Variants in FAT3 observed in about 807,000 individuals in gnomAD.
FAT3 encodes FAT atypical cadherin 3, also known as protocadherin Fat 3.
Under a neutral mutation model 310.2 loss-of-function variants are expected in FAT3, and 95 were observed. The observed-to-expected ratio is 0.31, with a 90% CI of 0.26 to 0.36. The LOEUF is 0.36. FAT3 is among the 10% of genes least tolerant of loss of function. The pLI is 1.00. For synonymous variants in FAT3, 2,314 were observed against 2,192.9 expected, an observed-to-expected ratio of 1.06 and a Z score of -1.54; for missense variants, 5,408 against 5,715.6, an observed-to-expected ratio of 0.95 and a Z score of 1.74.
chr11:92,874,586 C>G (rs1466622841), intron 22 of FAT3, among the ~76,000 whole-genome samples: 1 of 152,210 alleles, frequency 6.6e-6, no homozygotes, highest in Non-Finnish European at 1.5e-5. Context: ...GTTGCCTAGG[C>G]TGAAGTGCAA....
chr11:92,701,766 A>C lies in FAT3; in HGVS notation c.3669+4321A>C, dbSNP rs80159448. ...TTAACGTTTTAGTTTTTTGGTTGTG[A>C]CTTTAGCTCTGATTACTTCATTATC... On this transcript the variant is annotated intron_variant, in intron 4 of 27. Coordinates refer to ENST00000525166, the MANE Select transcript of FAT3 (RefSeq NM_001367949.2). Among the ~76,000 whole-genome samples the C allele has an allele frequency of 7.4e-3, 1,134 of 152,322 alleles. 13 individuals carry two copies. The highest frequency in any genetic ancestry group is 0.026 in the African/African-American group (1,077 of 41,570).
intron 1 of FAT3, among the ~76,000 whole-genome samples, chr11:92,328,958 G>C (rs142671645): frequency 6.6e-6 from 1 of 152,078 alleles, no homozygotes; most frequent in Non-Finnish European, 1.5e-5. Flanking sequence ...TTAAAAGACT[G>C]TTTAAATTAC....
chr11:92,489,923 A>G (rs1478708854), intron 2 of FAT3, among the ~76,000 whole-genome samples: 4 of 150,938 alleles, frequency 2.7e-5, no homozygotes, highest in South Asian at 2.1e-4. Flanking sequence ...ATGAGCAGCG[A>G]AAGAGGCAGC....
chr11:92,719,620 A>C (rs1240118717), intron 4 of FAT3, among the ~76,000 whole-genome samples: 2 of 151,174 alleles, frequency 1.3e-5, no homozygotes, highest in Non-Finnish European at 3.0e-5. Flanking sequence ...CAGTCTGTAC[A>C]TACATGTTCA....
At position 92,353,352 on chromosome 11, in the gene FAT3, G is replaced by T. The variant is rs372377950; in HGVS notation, c.1240G>T (p.Gly414Cys). 1.9e-6 allele frequency: 3 copies of T among 1,613,382 alleles called. No individual in the cohort carries two copies. The African/African-American group carries it at 4.0e-5, about 22-fold the overall frequency. ...AGATGTGGAATACAAATTATCTCCT[G>T]GTGAGGATGCAGTGTACTTTAAAAT... ...PIDVEYKLSPGEDAVYFKINP... is the reference protein window; with the variant it reads ...PIDVEYKLSPCEDAVYFKINP... Residue 414 changes from glycine (G) to cysteine (C), a missense_variant, in exon 2 of 28, where the codon GGT becomes TGT. Transcript: ENST00000525166.
rs1307795001 is a variant in FAT3 at position 92,891,129 on chromosome 11, T to C, written c.*16T>C. 1.2e-6 allele frequency: 2 copies of C among 1,608,510 alleles called. No individual in the cohort carries two copies. Among genetic ancestry groups the C allele is most frequent in the African/African-American group, 2.7e-5 (2 of 74,876 alleles). On this transcript the variant is annotated 3_prime_UTR_variant, in exon 28 of 28. Transcript: ENST00000525166. ...TCAAGTGTAGACATCACATCTTGGG[T>C]ACTTCACCCTGTTTGTTACAGAAAA...
chr11:92,312,623 A>G (rs1042236712), intron 1 of FAT3, among the ~76,000 whole-genome samples: 1 of 152,214 alleles, frequency 6.6e-6, no homozygotes, highest in Non-Finnish European at 1.5e-5. Flanking sequence ...TGATATATGG[A>G]GAGAACCCAG....
chr11:92,416,769 C>T (rs1211106611), intron 2 of FAT3, among the ~76,000 whole-genome samples: 1 of 152,084 alleles, frequency 6.6e-6, no homozygotes, highest in African/African-American at 2.4e-5. Context: ...GTAGCAGGTT[C>T]CAGTTAAGAG....
At chr11:92,573,507 C>T (rs1176401887) in intron 3 of FAT3, among the ~76,000 whole-genome samples, 1 of 152,098 alleles carries the variant, frequency 6.6e-6, no homozygotes, top group Admixed American at 6.6e-5. Context: ...AGAATGTAAC[C>T]TTATTTGGAA....
intron 2 of FAT3, among the ~76,000 whole-genome samples, chr11:92,363,724 A>T (rs1455050282): frequency 6.6e-6 from 1 of 152,124 alleles, no homozygotes; most frequent in Non-Finnish European, 1.5e-5. Context: ...TCCCCATGAG[A>T]CCTGAGCAAG....
At chr11:92,340,394 T>C (rs4385852) in intron 1 of FAT3, among the ~76,000 whole-genome samples, 1 of 152,106 alleles carries the variant, frequency 6.6e-6, no homozygotes, top group Non-Finnish European at 1.5e-5. Context: ...CCTTAGTTGT[T>C]CTCTCATTCA....
At chr11:92,334,622 G>A (rs972510871) in intron 1 of FAT3, among the ~76,000 whole-genome samples, 9 of 151,300 alleles carry the variant, frequency 5.9e-5, no homozygotes, top group African/African-American at 2.2e-4. Flanking sequence ...TGTCAACAAA[G>A]AAGTGATTCT....
At chr11:92,587,411 T>C (rs1011607128) in intron 3 of FAT3, among the ~76,000 whole-genome samples, 10 of 152,018 alleles carry the variant, frequency 6.6e-5, no homozygotes, top group Non-Finnish European at 1.5e-4. Context: ...TTTTACTTTT[T>C]TCCCCTTAGA....
chr11:92,456,919 G>T (rs1341522572), intron 2 of FAT3, among the ~76,000 whole-genome samples: 1 of 152,176 alleles, frequency 6.6e-6, no homozygotes, highest in Non-Finnish European at 1.5e-5. Context: ...GGATGCCTGG[G>T]TAAAGAGGAT....
At chr11:92,875,149 A>G (rs1949501022) in intron 22 of FAT3, among the ~76,000 whole-genome samples, 1 of 148,764 alleles carries the variant, frequency 6.7e-6, no homozygotes, top group Non-Finnish European at 1.5e-5. Flanking sequence ...AACAATAGAT[A>G]TCACTCTTCT....
In FAT3 at chr11:92,891,913, G is replaced by A. The variant is rs1285740769; in HGVS notation, c.*800G>A. 2.6e-5 allele frequency: 4 copies of A among 152,116 alleles called. No individual in the cohort carries two copies. The highest frequency in any genetic ancestry group is 7.2e-5 in the African/African-American group (3 of 41,412). 9.4% of individuals were successfully genotyped at this position (152,116 alleles called of 1,614,324 possible). ...TGTTTTCTGGTAAATATTCCAGTTG[G>A]TAAATCTAACATTGCTACAGAAGTT... On this transcript the variant is annotated 3_prime_UTR_variant, in exon 28 of 28. Transcript: ENST00000525166.
At chr11:92,308,844 T>A (rs1947209136) in intron 1 of FAT3, among the ~76,000 whole-genome samples, 1 of 152,076 alleles carries the variant, frequency 6.6e-6, no homozygotes, top group Admixed American at 6.5e-5. Context: ...GCTGTCAGTC[T>A]ACAAAGGAAA....
At chr11:92,393,890 G>A (rs1591219603) in intron 2 of FAT3, among the ~76,000 whole-genome samples, 1 of 152,156 alleles carries the variant, frequency 6.6e-6, no homozygotes, top group East Asian at 1.9e-4. Flanking sequence ...GATTTTATAT[G>A]CTACTGACTT....
chr11:92,588,844 C>T (rs1939284437), intron 3 of FAT3, among the ~76,000 whole-genome samples: 1 of 151,592 alleles, frequency 6.6e-6, no homozygotes, highest in South Asian at 2.1e-4. Context: ...AGCCAAGCCT[C>T]CCTCCAACAG....
Sources: allele counts gnomAD v4.1 joint callset (sites outside exome capture counted in the v4.1 genomes callset), GRCh38; gene constraint gnomAD v4.1.1; transcripts MANE v1.5; gene names NCBI Gene and HGNC (gene_info 2026-07-23, HGNC 2026-07-21).